The following DUSP11 variants were observed in gnomAD, a reference collection of about 807,000 sequenced individuals.
The protein encoded by DUSP11 is dual specificity phosphatase 11, also known as RNA/RNP complex-1-interacting phosphatase.
In DUSP11, 27 loss-of-function variants were observed where a neutral mutation model predicts 41.4. The observed-to-expected ratio is 0.65, with a 90% CI of 0.48 to 0.90. DUSP11 has a LOEUF of 0.90. Ranked by LOEUF, DUSP11 falls within the 40% of genes least tolerant of loss-of-function variation. The probability of loss-of-function intolerance (pLI) is 0.00; values close to 1 mark genes in which losing one functional copy is unlikely to be tolerated. For synonymous variants in DUSP11, 188 were observed against 159.3 expected (o/e 1.18, Z -1.35); for missense variants, 465 against 461.1 (o/e 1.01, Z -0.08).
intron 4 of DUSP11, among the ~76,000 whole-genome samples, chr2:73,771,571 G>A (rs1419316444): frequency 9.2e-5 from 14 of 151,408 alleles, no homozygotes; most frequent in Non-Finnish European, 1.6e-4. Flanking sequence ...TCGGCTCACT[G>A]CAAGTTCCGC....
intron 2 of DUSP11, 88 bp downstream of exon 2, chr2:73,778,213 G>C: frequency 8.1e-6 from 7 of 859,014 alleles, no homozygotes; most frequent in South Asian, 1.8e-5. Flanking sequence ...GCTATAAAAA[G>C]AGAAAATGGA....
In DUSP11 at chr2:73,773,819, CA is replaced by C; in HGVS notation, c.554del (p.Leu185Ter). 6.2e-7 allele frequency: 1 copy of C among 1,607,108 alleles called. No homozygotes were observed. The highest frequency in any genetic ancestry group is 8.5e-7 in the Non-Finnish European group (1 of 1,175,960). On this transcript the variant is annotated frameshift_variant, in exon 4 of 9. Coordinates refer to ENST00000272444, the Ensembl canonical transcript of DUSP11. LOFTEE classifies it high-confidence loss of function. Reference sequence around the variant, plus strand: ...ACTCACCATTATCTTTATTTTCTTTCAAAAACCCATTAACAGCGTGTTTGAA... The same window carrying C: ...ACTCACCATTATCTTTATTTTCTTTCAAAACCCATTAACAGCGTGTTTGAA...
chr2:73,763,020 C>A (rs1573174740), intron 8 of DUSP11, among the ~76,000 whole-genome samples, 161 bp from the exon 9 acceptor site: 1 of 151,870 alleles, frequency 6.6e-6, no homozygotes, highest in Non-Finnish European at 1.5e-5. Context: ...AGATAAAATA[C>A]TTAATTGTTA....
chr2:73,763,188 C>T (rs1442099283), intron 8 of DUSP11, among the ~76,000 whole-genome samples: 2 of 152,144 alleles, frequency 1.3e-5, no homozygotes, highest in East Asian at 1.9e-4. Context: ...GAGATAAATG[C>T]ATGCCCATAC....
chr2:73,780,140 T>A (rs534683411), exon 1 of DUSP11: 3 of 1,551,924 alleles, frequency 1.9e-6, no homozygotes, highest in Non-Finnish European at 2.6e-6. Context: ...CGTGATGGCG[T>A]AGCCACGCTG....
chr2:73,778,184 G>A (rs567302039), intron 2 of DUSP11, 117 bp downstream of exon 2: 2 of 604,404 alleles, frequency 3.3e-6, no homozygotes, highest in Admixed American at 7.9e-5. Context: ...GATAGTAAAG[G>A]GGTCATTACA....
In DUSP11 at chr2:73,767,150, C is replaced by T; in HGVS notation, c.682+11G>A. 6.2e-7 allele frequency: 1 copy of T among 1,604,572 alleles called. No individual in the cohort carries two copies. The highest frequency in any genetic ancestry group is 2.2e-5 in the East Asian group (1 of 44,778). ...ATAAAAGGGAAAAATAGTGTCAACCCTCATACTTACATTCAATTGCATCAT... is the reference window on the plus strand; with the variant it reads ...ATAAAAGGGAAAAATAGTGTCAACCTTCATACTTACATTCAATTGCATCAT... On this transcript the variant is annotated intron_variant, in intron 6 of 8. Coordinates refer to ENST00000272444, the Ensembl canonical transcript of DUSP11.
intron 4 of DUSP11, among the ~76,000 whole-genome samples, chr2:73,771,837 T>C (rs568646472): frequency 7.0e-6 from 1 of 141,852 alleles, no homozygotes; most frequent in South Asian, 2.3e-4. Context: ...CTTTTTTTTT[T>C]TGAGACAGGG....
intron 8 of DUSP11, among the ~76,000 whole-genome samples, chr2:73,763,341 A>G (rs1191517201): frequency 6.6e-6 from 1 of 152,240 alleles, no homozygotes; most frequent in African/African-American, 2.4e-5. Context: ...AAAAACTTTA[A>G]GCATGGTATA....
At chr2:73,780,088 C>G (rs758263755) in exon 1 of DUSP11, 3 of 1,572,654 alleles carry the variant, frequency 1.9e-6, no homozygotes, top group Non-Finnish European at 2.6e-6. Context: ...CCACCTACGC[C>G]GCGCTCCAGC....
chr2:73,772,543 A>G (rs758532058), intron 4 of DUSP11, among the ~76,000 whole-genome samples: 6 of 152,244 alleles, frequency 3.9e-5, no homozygotes, highest in Non-Finnish European at 7.3e-5. Flanking sequence ...TCATGTATTC[A>G]TAAGGACCTC....
chr2:73,778,442 T>A, intron 1 of DUSP11, 66 bp from the exon 2 acceptor site: 1 of 1,077,270 alleles, frequency 9.3e-7, no homozygotes, highest in Non-Finnish European at 1.3e-6. Context: ...AAAATAAGAC[T>A]TTTTGAAAAT....
At chr2:73,770,181 G>A (rs1672545517) in intron 4 of DUSP11, among the ~76,000 whole-genome samples, 1 of 143,282 alleles carries the variant, frequency 7.0e-6, no homozygotes. Flanking sequence ...TATAATCCCA[G>A]CTACTCAAAA....
intron 4 of DUSP11, 181 bp downstream of exon 4, chr2:73,773,619 G>T: frequency 1.7e-6 from 1 of 578,852 alleles, no homozygotes; most frequent in Non-Finnish European, 2.9e-6. Context: ...ACATTCCAAA[G>T]TTAAATTATT....
exon 8 of DUSP11, chr2:73,766,538 A>G (rs1484296647): frequency 1.2e-6 from 2 of 1,613,986 alleles, no homozygotes; most frequent in East Asian, 2.2e-5. Context: ...GACTGGTTGC[A>G]TGAGATGTGC....
chr2:73,764,894 A>AG lies in DUSP11; in HGVS notation c.935+1523dup, dbSNP rs200586849. Among the ~76,000 whole-genome samples the AG allele has an allele frequency of 3.8e-3, 583 of 152,258 alleles. 7 individuals are homozygous for AG. Among genetic ancestry groups the AG allele is most frequent in the African/African-American group, 0.013 (547 of 41,546 alleles). On this transcript the variant is annotated intron_variant, in intron 8 of 8. Coordinates refer to ENST00000272444, the Ensembl canonical transcript of DUSP11. ...AGCAGGAGAACTGCTTGAACCTGGG[A>AG]GGTGGAGGTTGCAGTGAGCCAAGAC...
chr2:73,775,865 A>T (rs1374505904), intron 2 of DUSP11, among the ~76,000 whole-genome samples: 3 of 18,640 alleles, frequency 1.6e-4, no homozygotes, highest in Non-Finnish European at 5.6e-4. Flanking sequence ...AAAAAAATTT[A>T]AAAAAAAAAA....
intron 4 of DUSP11, among the ~76,000 whole-genome samples, chr2:73,772,144 A>G (rs564093191): frequency 4.6e-5 from 7 of 152,312 alleles, no homozygotes; most frequent in African/African-American, 1.4e-4. Flanking sequence ...AACCACATGC[A>G]CTACATATTT....
At chr2:73,772,537 G>A (rs1234668716) in intron 4 of DUSP11, among the ~76,000 whole-genome samples, 2 of 152,170 alleles carry the variant, frequency 1.3e-5, no homozygotes, top group African/African-American at 4.8e-5. Flanking sequence ...GTGTTCTCAT[G>A]TATTCATAAG....
Sources: allele counts gnomAD v4.1 joint callset (sites outside exome capture counted in the v4.1 genomes callset), GRCh38; gene constraint gnomAD v4.1.1; transcripts MANE v1.5; gene names NCBI Gene and HGNC (gene_info 2026-07-23, HGNC 2026-07-21).